Variants in SLC25A33 observed in about 807,000 individuals in gnomAD.
SLC25A33 encodes solute carrier family 25 member 33.
Under a neutral mutation model 35.5 loss-of-function variants are expected in SLC25A33, and 15 were observed. That is an observed-to-expected ratio of 0.42 (90% CI 0.28 to 0.65). The LOEUF is 0.65. Ranked by LOEUF, SLC25A33 falls within the 30% of genes least tolerant of loss-of-function variation. The pLI, the probability that SLC25A33 is intolerant of heterozygous loss-of-function variation, is 0.20. For synonymous variants in SLC25A33, 136 were observed against 148.7 expected (o/e 0.91, Z 0.62); for missense variants, 257 against 398.5 (o/e 0.64, Z 3.02).
At position 9,584,395 on chromosome 1, in the gene SLC25A33, AGTTTTGTTTT is replaced by A. The variant is rs780484024; in HGVS notation, c.*1906_*1915del. 1 of 152,136 alleles carries A rather than the reference AGTTTTGTTTT, an allele frequency of 6.6e-6. No individual in the cohort carries two copies. The highest frequency in any genetic ancestry group is 2.4e-5 in the African/African-American group (1 of 41,404). 9.4% of individuals were successfully genotyped at this position (152,136 alleles called of 1,614,324 possible). On this transcript the variant is annotated 3_prime_UTR_variant, in exon 7 of 7. Coordinates refer to ENST00000302692, the MANE Select transcript of SLC25A33 (RefSeq NM_032315.3). ...TACATGACAGTAATGCTATTCCAGA[AGTTTTGTTTT>A]GTTTTGTTTTGAGATGGAGTCTCGC...
intron 2 of SLC25A33, among the ~76,000 whole-genome samples, chr1:9,560,997 T>C (rs2100390513): frequency 6.6e-6 from 1 of 151,442 alleles, no homozygotes; most frequent in South Asian, 2.1e-4. Context: ...TCGCCCAGGC[T>C]GGAGTGCAGT....
intron 6 of SLC25A33, 100 bp downstream of exon 6, chr1:9,580,334 T>C (rs1643723604): frequency 2.1e-6 from 3 of 1,452,460 alleles, no homozygotes; most frequent in Admixed American, 2.0e-5. Flanking sequence ...AGGCGCAGGA[T>C]CCCTGCAGGT....
At chr1:9,565,573 A>C (rs1420639012) in intron 2 of SLC25A33, among the ~76,000 whole-genome samples, 1 of 151,084 alleles carries the variant, frequency 6.6e-6, no homozygotes, top group African/African-American at 2.4e-5. Context: ...ATCACAAAAA[A>C]AAAAGTTTAA....
chr1:9,577,032 T>G lies in SLC25A33; in HGVS notation c.483-2922T>G, dbSNP rs372240578. 4 of 819,630 alleles carry G rather than the reference T, an allele frequency of 4.9e-6. No homozygotes were observed. In the South Asian group the frequency reaches 5.8e-5, roughly 12 times the overall value. The allele number at this position is 819,630 out of a possible 1,614,324, so 50.8% of individuals were successfully genotyped here. The stretch of plus-strand genomic sequence containing the variant: ...CAGAAACAACATGCTGGATGATTCC[T>G]AAGACCTATTGGTGATATTTAAATG... On this transcript the variant is annotated intron_variant, in intron 5 of 6. Coordinates refer to ENST00000302692, the MANE Select transcript of SLC25A33 (RefSeq NM_032315.3).
At chr1:9,576,603 A>G (rs1032760866) in intron 5 of SLC25A33, 8 of 578,528 alleles carry the variant, frequency 1.4e-5, no homozygotes, top group African/African-American at 1.1e-4. Flanking sequence ...GGGGTAACAG[A>G]AAGGAACTGG....
chr1:9,580,398 G>A (rs930005657), intron 6 of SLC25A33, among the ~76,000 whole-genome samples, 164 bp downstream of exon 6: 1 of 152,242 alleles, frequency 6.6e-6, no homozygotes, highest in Non-Finnish European at 1.5e-5. Context: ...GAGGTCACGT[G>A]AGTGGTGGGA....
chr1:9,578,789 C>G lies in SLC25A33; in HGVS notation c.483-1165C>G, dbSNP rs993659370. ...CCCAGCCCTTGTGATCATCCTTTAC[C>G]TTTAACTTAGTCCTGTTTTCCACTG... On this transcript the variant is annotated intron_variant, in intron 5 of 6. Coordinates refer to ENST00000302692, the MANE Select transcript of SLC25A33 (RefSeq NM_032315.3). The surrounding 1 kb of genome is among the most constrained non-coding windows in gnomAD (Gnocchi z 4.3). Among the ~76,000 whole-genome samples the G allele has an allele frequency of 1.3e-5, 2 of 152,174 alleles. No homozygotes were observed. The highest frequency in any genetic ancestry group is 4.8e-5 in the African/African-American group (2 of 41,442).
chr1:9,582,237 T>G lies in SLC25A33; in HGVS notation c.764-62T>G. The G allele has an allele frequency of 1.3e-6, 2 of 1,566,608 alleles. No individual in the cohort carries two copies. Among genetic ancestry groups the G allele is most frequent in the Admixed American group, 1.7e-5 (1 of 59,756 alleles). ...CCTAACCTTGACAGTTTTAAAGTTG[T>G]GTGCTGTGGATTCGTTCCCCATTTA... On this transcript the variant is annotated intron_variant, in intron 6 of 6. Transcript: ENST00000302692. The surrounding 1 kb of genome is among the most constrained non-coding windows in gnomAD (Gnocchi z 4.0).
At chr1:9,553,855 C>A in intron 2 of SLC25A33, 50 bp downstream of exon 2, 1 of 1,544,680 alleles carries the variant, frequency 6.5e-7, no homozygotes, top group South Asian at 1.2e-5. Context: ...TGTACCGCCA[C>A]TGTCAACAGA....
At position 9,582,030 on chromosome 1, in the gene SLC25A33, C is replaced by T. The variant is rs1180511104; in HGVS notation, c.764-269C>T. ...CCTTCACCTCCCAGGTTCAAGCGAT[C>T]CTCATTCCTCAGCCACTCTAGTAGT... On this transcript the variant is annotated intron_variant, in intron 6 of 6. Coordinates refer to ENST00000302692, the MANE Select transcript of SLC25A33 (RefSeq NM_032315.3). The surrounding 1 kb of genome is among the most constrained non-coding windows in gnomAD (Gnocchi z 4.0). 1.3e-5 allele frequency among the ~76,000 whole-genome samples: 2 copies of T among 152,062 alleles called. No individual in the cohort carries two copies. The highest frequency in any genetic ancestry group is 2.9e-5 in the Non-Finnish European group (2 of 68,008).
chr1:9,560,346 C>T (rs915480355), intron 2 of SLC25A33, among the ~76,000 whole-genome samples: 12 of 151,736 alleles, frequency 7.9e-5, no homozygotes, highest in African/African-American at 2.9e-4. Flanking sequence ...GGGCGGATCA[C>T]GAGGTCAGGA....
intron 4 of SLC25A33, among the ~76,000 whole-genome samples, chr1:9,571,365 C>T (rs1643588207): frequency 6.6e-6 from 1 of 152,184 alleles, no homozygotes; most frequent in Non-Finnish European, 1.5e-5. Context: ...GCAATCTCGG[C>T]TCACTGCAAC....
intron 5 of SLC25A33, among the ~76,000 whole-genome samples, chr1:9,574,138 CTTTT>C (rs1643629187): frequency 1.3e-5 from 1 of 77,490 alleles, no homozygotes; most frequent in Non-Finnish European, 2.8e-5. Context: ...TTTTTTTGTT[CTTTT>C]GAGGCAGGGC....
At chr1:9,571,335 C>G (rs1643587811) in intron 4 of SLC25A33, among the ~76,000 whole-genome samples, 1 of 152,142 alleles carries the variant, frequency 6.6e-6, no homozygotes, top group African/African-American at 2.4e-5. Context: ...ACTCTGTCGC[C>G]CAGGCTGGAG....
At chr1:9,544,356 C>T (rs1026928495) in intron 1 of SLC25A33, among the ~76,000 whole-genome samples, 4 of 151,180 alleles carry the variant, frequency 2.6e-5, no homozygotes, top group Admixed American at 2.0e-4. Context: ...GCAACCTCCA[C>T]CTCCCGGGTT....
intron 5 of SLC25A33, chr1:9,577,097 CAGGTGG>C: frequency 1.9e-6 from 1 of 522,754 alleles, no homozygotes; most frequent in Non-Finnish European, 3.4e-6. Context: ...AAAGAATAGC[CAGGTGG>C]GGGCGGCAGA....
intron 1 of SLC25A33, among the ~76,000 whole-genome samples, chr1:9,540,802 A>G (rs1033287131): frequency 1.3e-5 from 2 of 152,332 alleles, no homozygotes; most frequent in South Asian, 2.1e-4. Flanking sequence ...TGAGAAACTT[A>G]TCTTGGAAGA....
intron 5 of SLC25A33, among the ~76,000 whole-genome samples, chr1:9,575,497 C>T (rs1276022068): frequency 6.6e-6 from 1 of 152,018 alleles, no homozygotes; most frequent in Non-Finnish European, 1.5e-5. Context: ...CGCCTGTAAT[C>T]CTAGCTACTT....
At chr1:9,552,929 T>C (rs1487842966) in intron 1 of SLC25A33, among the ~76,000 whole-genome samples, 2 of 146,296 alleles carry the variant, frequency 1.4e-5, no homozygotes, top group Non-Finnish European at 3.0e-5. Flanking sequence ...TTTTTTTTTT[T>C]TTTTTTGAGA....
Sources: allele counts gnomAD v4.1 joint callset (sites outside exome capture counted in the v4.1 genomes callset), GRCh38; gene constraint gnomAD v4.1.1; non-coding constraint Gnocchi (gnomAD v3.1); transcripts MANE v1.5; gene names NCBI Gene and HGNC (gene_info 2026-07-23, HGNC 2026-07-21).